FGD3: variants seen among roughly 807,000 people sequenced by gnomAD.
The protein encoded by FGD3 is FYVE, RhoGEF and PH domain-containing protein 3.
In FGD3, 45 loss-of-function variants were observed where a neutral mutation model predicts 71.8. The ratio of observed to expected loss-of-function variants is 0.63; its 90% CI spans 0.49 to 0.80. The LOEUF is 0.80. Ranked by LOEUF, FGD3 falls within the 30% of genes least tolerant of loss-of-function variation. The pLI is 0.00. For synonymous variants in FGD3, 378 were observed against 392.8 expected, an observed-to-expected ratio of 0.96 and a Z score of 0.44; for missense variants, 844 against 951.5, an observed-to-expected ratio of 0.89 and a Z score of 1.49.
At chr9:93,005,985 C>T (rs1410152264) in intron 5 of FGD3, 39 bp from the exon 6 acceptor site, 2 of 1,561,784 alleles carry the variant, frequency 1.3e-6, no homozygotes, top group Non-Finnish European at 1.7e-6. Flanking sequence ...GTCCCCATTG[C>T]ACCCAGCTAT....
chr9:93,033,302 CT>C, intron 16 of FGD3: 1 of 172,620 alleles, frequency 5.8e-6, no homozygotes, highest in African/African-American at 5.9e-5. Flanking sequence ...TCCCCGTCCC[CT>C]TCTCCTCCTC....
rs185210151 is a variant in FGD3 at position 92,948,414 on chromosome 9, G to A, written c.-218+685G>A. Among the ~76,000 whole-genome samples, 747 of 152,328 alleles carry A rather than the reference G, an allele frequency of 4.9e-3. 6 individuals carry two copies. The highest frequency in any genetic ancestry group is 0.017 in the Middle Eastern group (5 of 294). On this transcript the variant is annotated intron_variant, in intron 1 of 17. Coordinates refer to ENST00000375482, the MANE Select transcript of FGD3 (RefSeq NM_001083536.2). ...GCCGAAAGAGGCCGCAAGGCTGGCC[G>A]TGTCCCTTTTTGTAGTTCGTGCCTC... is the stretch of plus-strand genomic sequence containing the variant.
intron 1 of FGD3, among the ~76,000 whole-genome samples, chr9:92,964,765 C>T (rs551523360): frequency 3.3e-5 from 5 of 152,188 alleles, no homozygotes; most frequent in Admixed American, 6.5e-5. Context: ...CGGCTGGCAG[C>T]GCACCAGCCA....
At chr9:93,030,434 C>T (rs749284043) in intron 15 of FGD3, among the ~76,000 whole-genome samples, 2 of 152,168 alleles carry the variant, frequency 1.3e-5, no homozygotes, top group Admixed American at 1.3e-4. Context: ...GCAATGCCTC[C>T]GACTGGCGCC....
chr9:93,032,523 G>T, intron 15 of FGD3: 1 of 473,798 alleles, frequency 2.1e-6, no homozygotes, highest in Non-Finnish European at 3.8e-6. Flanking sequence ...ACGCACACAA[G>T]ACTCCTGGAC....
At chr9:92,980,297 GGT>G (rs1469215553) in intron 3 of FGD3, among the ~76,000 whole-genome samples, 2 of 152,174 alleles carry the variant, frequency 1.3e-5, no homozygotes, top group African/African-American at 4.8e-5. Flanking sequence ...TGGGATTACA[GGT>G]GTGAGTCACC....
intron 14 of FGD3, among the ~76,000 whole-genome samples, chr9:93,026,798 A>G (rs544978580): frequency 6.6e-6 from 1 of 152,274 alleles, no homozygotes; most frequent in African/African-American, 2.4e-5. Flanking sequence ...CCCCTGCCCC[A>G]TGGGCACGCC....
At chr9:93,019,167 T>C (rs1861819269) in intron 11 of FGD3, among the ~76,000 whole-genome samples, 1 of 152,204 alleles carries the variant, frequency 6.6e-6, no homozygotes, top group Non-Finnish European at 1.5e-5. Flanking sequence ...GGATTTTCTA[T>C]GCACATGCAC....
chr9:92,951,483 G>A (rs964670191), intron 1 of FGD3, among the ~76,000 whole-genome samples: 1 of 152,202 alleles, frequency 6.6e-6, no homozygotes, highest in African/African-American at 2.4e-5. Flanking sequence ...TCAAGACCAG[G>A]CTGGGCAACA....
rs1862405203 is a variant in FGD3 at position 93,032,785 on chromosome 9, G to A, written c.1697G>A (p.Cys566Tyr). ...KLCGAVICGK[C>Y]SEFKAENSRQ... Reference sequence around the variant, plus strand: ...GTTTGGCAGGTCATCTGTGGGAAGTGCTCCGAGTTCAAGGCCGAGAACAGC... The same window carrying A: ...GTTTGGCAGGTCATCTGTGGGAAGTACTCCGAGTTCAAGGCCGAGAACAGC... Residue 566 changes from cysteine (C) to tyrosine (Y), a missense_variant, in exon 16 of 18, where the codon TGC becomes TAC. By Grantham distance (194) the Cys-to-Tyr change is radical. Transcript: ENST00000375482. 1.2e-6 allele frequency: 2 copies of A among 1,614,240 alleles called. No individual in the cohort carries two copies.
intron 3 of FGD3, among the ~76,000 whole-genome samples, chr9:92,987,349 G>A (rs574256107): frequency 5.7e-4 from 86 of 151,344 alleles, no homozygotes; most frequent in Middle Eastern, 3.4e-3. Context: ...GAAGAATGGT[G>A]TGAACCCAGG....
chr9:93,034,381 C>A (rs1862502418), intron 16 of FGD3, 160 bp from the exon 17 acceptor site: 2 of 961,214 alleles, frequency 2.1e-6, no homozygotes, highest in Non-Finnish European at 1.5e-6. Flanking sequence ...GTGACCCTTG[C>A]AAGCCGGGTG....
rs544560780 is a variant in FGD3, at chr9:93,033,339, C to A, written c.1785+466C>A. On this transcript the variant is annotated intron_variant, in intron 16 of 17. Coordinates refer to ENST00000375482, the MANE Select transcript of FGD3 (RefSeq NM_001083536.2). ...CTCCCCGTCCCCTTCTCCTCCTCCT[C>A]CCCGTCCCCTTCTCCTCTTCCTCTC... 4.2e-3 allele frequency: 950 copies of A among 223,710 alleles called. 22 individuals carry two copies. Among genetic ancestry groups the A allele is most frequent in the Admixed American group, 0.022 (411 of 18,570 alleles). The allele number at this position is 223,710 out of a possible 1,614,324, so 13.9% of individuals were successfully genotyped here. A position where few individuals can be genotyped will look rare whatever the true frequency, so the allele number is the denominator to read the frequency against.
chr9:92,965,287 GT>G (rs1189677702), intron 1 of FGD3, among the ~76,000 whole-genome samples: 1 of 152,242 alleles, frequency 6.6e-6, no homozygotes, highest in Non-Finnish European at 1.5e-5. Flanking sequence ...ATTCAGATCG[GT>G]GCTTGCCAAC....
chr9:92,951,809 A>G (rs1858959572), intron 1 of FGD3, among the ~76,000 whole-genome samples: 2 of 152,180 alleles, frequency 1.3e-5, no homozygotes, highest in African/African-American at 4.8e-5. Flanking sequence ...GGTAAACTGA[A>G]TGAATAAAAC....
intron 3 of FGD3, among the ~76,000 whole-genome samples, chr9:92,981,376 A>AAAAAAAAAG (rs1293490891): frequency 3.3e-5 from 5 of 151,664 alleles, no homozygotes; most frequent in South Asian, 2.1e-4. Flanking sequence ...TCCAAAAAAA[A>AAAAAAAAAG]AAAAAAAAGA....
At chr9:92,971,661 C>T (rs1408171388) in intron 1 of FGD3, among the ~76,000 whole-genome samples, 3 of 147,952 alleles carry the variant, frequency 2.0e-5, no homozygotes, top group African/African-American at 5.0e-5. Context: ...CTGCAACCTC[C>T]GCCTCCAGGG....
At chr9:93,015,918 C>A in intron 10 of FGD3, 89 bp downstream of exon 10, 1 of 1,154,934 alleles carries the variant, frequency 8.7e-7, no homozygotes, top group Non-Finnish European at 1.3e-6. Flanking sequence ...CTGAGGCACT[C>A]ACCTCTGTGC....
rs765808579 is a variant in FGD3 at position 93,015,763 on chromosome 9, G to A, written c.1209G>A (p.Val403=). ...TCAACAGCATGATCCTTTACTGTGT[G>A]CCCAAGCTGCGGCTCATGGGCCAGA... ...FLFNSMILYC[V]PKLRLMGQKF... is the part of the protein sequence containing the mutation. The change falls in exon 10 of 18, where the codon GTG becomes GTA. Residue 403 remains valine (V), a synonymous_variant. Transcript: ENST00000375482. The A allele has an allele frequency of 9.9e-6, 16 of 1,614,072 alleles. No homozygotes were observed. The East Asian group carries it at 3.3e-4, about 34-fold the overall frequency.
Sources: allele counts gnomAD v4.1 joint callset (sites outside exome capture counted in the v4.1 genomes callset), GRCh38; gene constraint gnomAD v4.1.1; transcripts MANE v1.5; gene names NCBI Gene and HGNC (gene_info 2026-07-23, HGNC 2026-07-21).